The following ZFHX3 variants were observed in gnomAD, a reference collection of about 807,000 sequenced individuals.
The protein encoded by ZFHX3 is zinc finger homeobox protein 3.
A neutral mutation model predicts 279.1 loss-of-function variants in ZFHX3; 42 were observed. That is an observed-to-expected ratio of 0.15 (90% confidence interval 0.12 to 0.19). ZFHX3 has a LOEUF of 0.19. Among genes scored for constraint, ZFHX3 ranks in the 10% least tolerant of loss-of-function variants. The pLI, the probability that ZFHX3 is intolerant of heterozygous loss-of-function variation, is 1.00. For missense variants in ZFHX3, 4,981 were observed against 4,754.0 expected (o/e 1.05, Z -1.40); for synonymous variants, 2,293 against 1,957.8 (o/e 1.17, Z -4.52).
chr16:73,067,532 C>T (rs1965770706), intron 8 of ZFHX3, among the ~76,000 whole-genome samples: 2 of 152,230 alleles, frequency 1.3e-5, no homozygotes, highest in South Asian at 4.1e-4. Context: ...ATTATTTTGC[C>T]TGTGGCTGGT....
intron 3 of ZFHX3, among the ~76,000 whole-genome samples, chr16:73,332,122 A>G (rs1567452706): frequency 1.3e-5 from 2 of 152,354 alleles, no homozygotes; most frequent in East Asian, 3.9e-4. Flanking sequence ...TTCCTTCTCA[A>G]GGAAGGGCTG....
At chr16:73,691,984 A>C (rs921910936) in intron 1 of ZFHX3, among the ~76,000 whole-genome samples, 9 of 152,188 alleles carry the variant, frequency 5.9e-5, no homozygotes, top group African/African-American at 2.2e-4. Context: ...ATTATCATCA[A>C]ATAACTCAGC....
At chr16:72,872,244 T>C (rs1355825958) in intron 4 of ZFHX3, among the ~76,000 whole-genome samples, 2 of 152,230 alleles carry the variant, frequency 1.3e-5, no homozygotes, top group African/African-American at 2.4e-5. Context: ...AAATTTCATT[T>C]ACTACTTATT....
At position 72,784,276 on chromosome 16, in the gene ZFHX3, C is replaced by T. The variant is rs1458452006; in HGVS notation, c.*2888G>A. On this transcript the variant is annotated 3_prime_UTR_variant, in exon 10 of 10. Coordinates refer to ENST00000268489, the MANE Select transcript of ZFHX3 (RefSeq NM_006885.4). ...TGAAAAAAAAAAACAAAAACAAAAA[C>T]AAAAACCCAAACCATCAGGGAGGGG... 5 of 148,322 alleles carry T rather than the reference C, an allele frequency of 3.4e-5. No individual in the cohort carries two copies. The highest frequency in any genetic ancestry group is 9.9e-5 in the African/African-American group (4 of 40,204). 9.2% of individuals were successfully genotyped at this position (148,322 alleles called of 1,614,324 possible). A position where few individuals can be genotyped will look rare whatever the true frequency, so the allele number is the denominator to read the frequency against.
At chr16:73,700,215 ACT>A (rs2053234531) in intron 1 of ZFHX3, among the ~76,000 whole-genome samples, 2 of 151,958 alleles carry the variant, frequency 1.3e-5, no homozygotes, top group African/African-American at 2.4e-5. Flanking sequence ...AGAGAGGGAG[ACT>A]CTGTCTCAAA....
At chr16:72,987,291 C>T (rs1225294035) in intron 1 of ZFHX3, among the ~76,000 whole-genome samples, 3 of 152,230 alleles carry the variant, frequency 2.0e-5, no homozygotes, top group Non-Finnish European at 4.4e-5. Flanking sequence ...TAGACTTCTA[C>T]AGCACTAGGC....
At chr16:72,927,917 C>T (rs183761872) in intron 3 of ZFHX3, among the ~76,000 whole-genome samples, 6 of 151,006 alleles carry the variant, frequency 4.0e-5, no homozygotes, top group Admixed American at 6.6e-5. Flanking sequence ...AGTCAATCCA[C>T]GGAAGGTGGG....
At chr16:72,869,381 G>GT (rs11348026) in intron 4 of ZFHX3, among the ~76,000 whole-genome samples, 43 of 150,954 alleles carry the variant, frequency 2.8e-4, no homozygotes, top group Non-Finnish European at 3.5e-4. Context: ...AGCTAAAGGT[G>GT]TTTTTTTTTT....
chr16:73,677,428 A>AAACAAC (rs370530843), intron 2 of ZFHX3, among the ~76,000 whole-genome samples: 1 of 151,790 alleles, frequency 6.6e-6, no homozygotes, highest in Non-Finnish European at 1.5e-5. Flanking sequence ...TTTTATTAAT[A>AAACAAC]AACAACAACA....
Position 72,787,507 on chromosome 16 carries a change from G to C in ZFHX3, c.10769C>G (p.Ala3590Gly), listed in dbSNP as rs768350825. ...AGGGGGGCTGTCGTTTGAGTGAGCG[G>C]CAGACTGCGAGGTAGATGCGGTGCT... Reference protein sequence around the residue: ...DPSTASTSQSAAHSNDSPPPP... With the variant: ...DPSTASTSQSGAHSNDSPPPP... The change falls in exon 10 of 10, where the codon GCC (alanine) becomes GGC (glycine). Residue 3590 changes from alanine to glycine, a missense_variant. Ala to Gly is a moderately conservative substitution (Grantham distance 60). This residue lies in a region of ZFHX3 where 1,034 missense variants were observed against 786.0 expected (regional missense o/e 1.32). Transcript: ENST00000268489. 4 of 1,613,758 alleles carry C rather than the reference G, an allele frequency of 2.5e-6. No individual in the cohort carries two copies. The highest frequency in any genetic ancestry group is 2.7e-5 in the African/African-American group (2 of 74,870).
At position 72,787,488 on chromosome 16, in the gene ZFHX3, G is replaced by A. The variant is rs753168554; in HGVS notation, c.10788C>T (p.Ser3596=). ...TSQSAAHSND[S]PPPPSAAAPS... Reference sequence around the variant, plus strand: ...GGGCGGCGGCCGACGGGGGAGGGGGGCTGTCGTTTGAGTGAGCGGCAGACT... The same window carrying A: ...GGGCGGCGGCCGACGGGGGAGGGGGACTGTCGTTTGAGTGAGCGGCAGACT... The change falls in exon 10 of 10, where the codon AGC becomes AGT. Residue 3596 remains serine (S), a synonymous_variant. Transcript: ENST00000268489. The A allele has an allele frequency of 6.2e-7, 1 of 1,611,988 alleles. No homozygotes were observed. The highest frequency in any genetic ancestry group is 8.5e-7 in the Non-Finnish European group (1 of 1,178,808).
At chr16:73,381,581 G>T (rs753935411) in intron 3 of ZFHX3, among the ~76,000 whole-genome samples, 12 of 152,154 alleles carry the variant, frequency 7.9e-5, no homozygotes, top group Non-Finnish European at 1.5e-4. Context: ...TAAAAAATGG[G>T]CTGGCACCAA....
intron 3 of ZFHX3, among the ~76,000 whole-genome samples, chr16:73,364,373 A>G (rs2016491626): frequency 6.7e-6 from 1 of 149,546 alleles, no homozygotes; most frequent in Admixed American, 6.7e-5. Context: ...ATATTGTAAT[A>G]TTATAATAAT....
In ZFHX3 at chr16:72,788,685, CTGGGGGGGTTGCTGA is replaced by C. The variant is rs761276443; in HGVS notation, c.9576_9590del (p.Pro3195_Gln3199del). On this transcript the variant is annotated inframe_deletion, in exon 10 of 10. Coordinates refer to ENST00000268489, the MANE Select transcript of ZFHX3 (RefSeq NM_006885.4). Reference sequence around the variant, plus strand: ...GTGGTTGCTGCTGCTGCTGCTGCTGCTGGGGGGGTTGCTGAGGGCCCATCGCCATCGTGGCTTGTG... The same window carrying C: ...GTGGTTGCTGCTGCTGCTGCTGCTGCGGGCCCATCGCCATCGTGGCTTGTG... 1.2e-6 allele frequency: 2 copies of C among 1,609,568 alleles called. No homozygotes were observed. Among genetic ancestry groups the C allele is most frequent in the East Asian group, 2.2e-5 (1 of 44,838 alleles).
chr16:73,465,558 C>G (rs562146484), intron 2 of ZFHX3, among the ~76,000 whole-genome samples: 87 of 152,294 alleles, frequency 5.7e-4, no homozygotes, highest in Admixed American at 2.0e-3. Flanking sequence ...TCCACACTCT[C>G]TAGCTCAGCA....
chr16:73,591,036 A>C (rs897962670), intron 2 of ZFHX3, among the ~76,000 whole-genome samples: 2 of 152,208 alleles, frequency 1.3e-5, no homozygotes, highest in African/African-American at 4.8e-5. Context: ...TCTTGGGAGA[A>C]ATCTACAGAA....
intron 5 of ZFHX3, among the ~76,000 whole-genome samples, chr16:73,175,413 T>C (rs1967640679): frequency 6.6e-6 from 1 of 150,680 alleles, no homozygotes; most frequent in Non-Finnish European, 1.5e-5. Context: ...AAAAAACCAC[T>C]GGTGGCCCCT....
At chr16:73,800,522 T>C (rs935285111) in intron 1 of ZFHX3, among the ~76,000 whole-genome samples, 6 of 152,110 alleles carry the variant, frequency 3.9e-5, no homozygotes, top group African/African-American at 1.4e-4. Flanking sequence ...GGGCCTACTA[T>C]TGTTATTTAT....
rs1201875631 is a variant in ZFHX3, at chr16:72,959,480, C to T, written c.666G>A (p.Ala222=). 4.3e-6 allele frequency: 7 copies of T among 1,614,122 alleles called. No individual in the cohort carries two copies. In the East Asian group the frequency reaches 6.7e-5, roughly 15 times the overall value. The change falls in exon 2 of 10, where the codon GCG becomes GCA. Residue 222 remains alanine, a synonymous_variant. Coordinates refer to ENST00000268489, the MANE Select transcript of ZFHX3 (RefSeq NM_006885.4). ...AGCTGTGCAGGACGGGGCTGAGCCC[C>T]GCCAGGGCTGAGGTATTCGGGAAAG... ...DQAFPNTSAL[A]GLSPVLHSFR...
Sources: allele counts gnomAD v4.1 joint callset (sites outside exome capture counted in the v4.1 genomes callset), GRCh38; gene constraint gnomAD v4.1.1; regional missense constraint gnomAD v4.1.1; transcripts MANE v1.5; gene names NCBI Gene and HGNC (gene_info 2026-07-23, HGNC 2026-07-21).